SLC71A2: variants seen among roughly 807,000 people sequenced by gnomAD.
SLC71A2 encodes the protein hippocampus abundant transcript-like 1.
the SLC71A2 span, among the ~76,000 whole-genome samples, chr9:94,452,660 T>TATATATTCATATATTCATATATATTC: frequency 1.8e-5 from 1 of 55,642 alleles, no homozygotes; most frequent in Non-Finnish European, 3.5e-5. Flanking sequence ...TATATATTCA[T>TATATATTCATATATTCATATATATTC]ATATATTCAT....
chr9:94,418,249 G>T, the SLC71A2 span, among the ~76,000 whole-genome samples: 1 of 152,074 alleles, frequency 6.6e-6, no homozygotes, highest in Non-Finnish European at 1.5e-5. Flanking sequence ...TGTTTTCTAT[G>T]CTTTTGTTTG....
the SLC71A2 span, among the ~76,000 whole-genome samples, chr9:94,450,537 T>G: frequency 7.0e-6 from 1 of 143,506 alleles, no homozygotes; most frequent in Non-Finnish European, 1.5e-5. Flanking sequence ...TCGCCCAGGC[T>G]GGAATACAGT....
the SLC71A2 span, chr9:94,429,394 A>G: frequency 7.6e-7 from 1 of 1,311,078 alleles, no homozygotes; most frequent in Non-Finnish European, 1.0e-6. Flanking sequence ...CTGGGTTATT[A>G]AAAGTCACTT....
At chr9:94,441,991 G>A in the SLC71A2 span, among the ~76,000 whole-genome samples, 1 of 152,220 alleles carries the variant, frequency 6.6e-6, no homozygotes, top group African/African-American at 2.4e-5. Flanking sequence ...GCATGTGGAT[G>A]TGCATGTGTG....
At chr9:94,400,937 G>A in the SLC71A2 span, among the ~76,000 whole-genome samples, 2 of 151,932 alleles carry the variant, frequency 1.3e-5, no homozygotes, top group South Asian at 2.1e-4. Context: ...TTTCCGGAAT[G>A]CCCTTTAAAT....
At chr9:94,428,469 T>A in the SLC71A2 span, among the ~76,000 whole-genome samples, 2 of 146,392 alleles carry the variant, frequency 1.4e-5, no homozygotes, top group Non-Finnish European at 3.0e-5. Context: ...AAATAATTTG[T>A]GAGTAGATTT....
chr9:94,432,201 T>TA, the SLC71A2 span, among the ~76,000 whole-genome samples: 6 of 151,258 alleles, frequency 4.0e-5, no homozygotes, highest in Admixed American at 1.3e-4. Flanking sequence ...CACATTGCAT[T>TA]AAAAAAAAGT....
the SLC71A2 span, among the ~76,000 whole-genome samples, chr9:94,414,984 C>G: frequency 6.6e-6 from 1 of 152,156 alleles, no homozygotes; most frequent in Admixed American, 6.5e-5. Context: ...AGCACCTTCC[C>G]TTATTAGGGA....
chr9:94,391,289 G>C, the SLC71A2 span, among the ~76,000 whole-genome samples: 2 of 151,234 alleles, frequency 1.3e-5, no homozygotes, highest in African/African-American at 4.9e-5. Context: ...CTTGAGCCTG[G>C]GAGGTTGAGG....
At chr9:94,434,522 C>G in the SLC71A2 span, among the ~76,000 whole-genome samples, 2 of 151,956 alleles carry the variant, frequency 1.3e-5, no homozygotes, top group East Asian at 1.9e-4. Context: ...TCACCATGTT[C>G]GCCAGGCTGG....
chr9:94,434,054 TG>T, the SLC71A2 span, among the ~76,000 whole-genome samples: 1 of 152,084 alleles, frequency 6.6e-6, no homozygotes, highest in Non-Finnish European at 1.5e-5. Flanking sequence ...AATTCTAGAT[TG>T]TTGAGAAACC....
the SLC71A2 span, among the ~76,000 whole-genome samples, chr9:94,397,216 G>A: frequency 6.6e-6 from 1 of 152,070 alleles, no homozygotes; most frequent in Non-Finnish European, 1.5e-5. Context: ...ATAGCATAGA[G>A]TTTTCCTATA....
At chr9:94,378,648 T>C in the SLC71A2 span, among the ~76,000 whole-genome samples, 56 of 152,248 alleles carry the variant, frequency 3.7e-4, no homozygotes, top group Middle Eastern at 3.4e-3. Context: ...TGGTAACTAA[T>C]GGAGCGAGGA....
the SLC71A2 span, chr9:94,458,322 G>GA: frequency 1.9e-6 from 3 of 1,603,812 alleles, no homozygotes. Context: ...TCTGATTTAG[G>GA]AGTTGCCCAG....
the SLC71A2 span, among the ~76,000 whole-genome samples, chr9:94,380,309 T>C: frequency 6.0e-5 from 9 of 150,988 alleles, no homozygotes; most frequent in African/African-American, 2.2e-4. Flanking sequence ...TTACATGTGT[T>C]CTCTCTTCCC....
the SLC71A2 span, among the ~76,000 whole-genome samples, chr9:94,401,398 T>C: frequency 6.6e-6 from 1 of 152,100 alleles, no homozygotes; most frequent in African/African-American, 2.4e-5. Context: ...GGTCTTGAAC[T>C]CCTGACCTCA....
At chr9:94,399,795 C>T in the SLC71A2 span, among the ~76,000 whole-genome samples, 3 of 139,612 alleles carry the variant, frequency 2.1e-5, no homozygotes, top group South Asian at 2.2e-4. Flanking sequence ...TGAGTATTGC[C>T]GGGGAAAAAG....
At chr9:94,375,326 C>T in the SLC71A2 span, among the ~76,000 whole-genome samples, 5 of 151,834 alleles carry the variant, frequency 3.3e-5, no homozygotes, top group South Asian at 2.1e-4. Flanking sequence ...CGGGCAGCGC[C>T]TTGCTGCTCC....
At chr9:94,433,112 C>T in the SLC71A2 span, 14 of 311,736 alleles carry the variant, frequency 4.5e-5, no homozygotes, top group African/African-American at 1.1e-4. Flanking sequence ...GCCCTTGAGA[C>T]GGTACACAAT....
Sources: allele counts gnomAD v4.1 joint callset (sites outside exome capture counted in the v4.1 genomes callset), GRCh38; gene constraint gnomAD v4.1.1; transcripts MANE v1.5; gene names NCBI Gene and HGNC (gene_info 2026-07-23, HGNC 2026-07-21).